Variants in KCNMB2 observed in about 807,000 individuals in gnomAD.
The protein encoded by KCNMB2 is calcium-activated potassium channel subunit beta-2.
In KCNMB2, 9 loss-of-function variants were observed where a neutral mutation model predicts 24.5. That is an observed-to-expected ratio of 0.37 (90% CI 0.22 to 0.64). The LOEUF (loss-of-function observed/expected upper bound fraction) is 0.64, where lower values mean the gene tolerates loss of function less well. Among genes scored for constraint, KCNMB2 ranks in the 30% least tolerant of loss-of-function variants. The probability of loss-of-function intolerance (pLI) is 0.63; values close to 1 mark genes in which losing one functional copy is unlikely to be tolerated. For missense variants in KCNMB2, 226 were observed against 284.3 expected, an observed-to-expected ratio of 0.79 and a Z score of 1.47; for synonymous variants, 109 against 104.4, an observed-to-expected ratio of 1.04 and a Z score of -0.27.
rs373099620 is a variant in KCNMB2 at position 178,572,641 on chromosome 3, C to G, written c.-68+35930C>G. 1.5e-4 allele frequency among the ~76,000 whole-genome samples: 23 copies of G among 152,264 alleles called. No homozygotes were observed. The South Asian group carries it at 4.6e-3, about 30-fold the overall frequency. On this transcript the variant is annotated intron_variant, in intron 1 of 4. Coordinates refer to ENST00000452583, the MANE Select transcript of KCNMB2 (RefSeq NM_181361.3). ...ACTTCTCCCCACTTTACTTCTGCAT[C>G]TTTAAAAATAAAACAGCAAGATAAA...
intron 1 of KCNMB2, among the ~76,000 whole-genome samples, chr3:178,624,672 C>T (rs1719045482): frequency 6.8e-6 from 1 of 146,362 alleles, no homozygotes; most frequent in African/African-American, 2.5e-5. Context: ...ATGGTTCACA[C>T]TTGCCAACGC....
chr3:178,566,232 C>G (rs758704316), intron 1 of KCNMB2, among the ~76,000 whole-genome samples: 3 of 152,122 alleles, frequency 2.0e-5, no homozygotes, highest in African/African-American at 4.8e-5. Context: ...AATATTAGTC[C>G]AACTTTTTCC....
At chr3:178,823,154 G>A (rs1714697581) in intron 2 of KCNMB2, among the ~76,000 whole-genome samples, 1 of 152,220 alleles carries the variant, frequency 6.6e-6, no homozygotes, top group South Asian at 2.1e-4. Flanking sequence ...AAAGGGTGAA[G>A]TTTTAAAAGC....
At chr3:178,664,020 AAG>A (rs747856703) in intron 1 of KCNMB2, among the ~76,000 whole-genome samples, 7 of 152,144 alleles carry the variant, frequency 4.6e-5, no homozygotes, top group Non-Finnish European at 1.0e-4. Context: ...AGGGAAAAGA[AAG>A]AGTCGGGGTG....
intron 1 of KCNMB2, among the ~76,000 whole-genome samples, chr3:178,569,971 A>G (rs1161326018): frequency 6.6e-6 from 1 of 152,158 alleles, no homozygotes; most frequent in African/African-American, 2.4e-5. Flanking sequence ...CGCAACTCCT[A>G]TAGTATTCAT....
intron 1 of KCNMB2, among the ~76,000 whole-genome samples, chr3:178,567,869 A>G (rs1397965367): frequency 1.3e-5 from 2 of 152,286 alleles, no homozygotes; most frequent in East Asian, 1.9e-4. Flanking sequence ...TTGCTTAACC[A>G]TGATTCTCAG....
chr3:178,774,657 C>T (rs2108424906), intron 1 of KCNMB2, among the ~76,000 whole-genome samples: 1 of 152,324 alleles, frequency 6.6e-6, no homozygotes, highest in Non-Finnish European at 1.5e-5. Flanking sequence ...CACCCCCGCT[C>T]TGGACTGTAA....
intron 1 of KCNMB2, among the ~76,000 whole-genome samples, chr3:178,663,164 T>A (rs1381903466): frequency 1.3e-5 from 2 of 152,052 alleles, no homozygotes; most frequent in East Asian, 3.9e-4. Flanking sequence ...CCAAATGGGT[T>A]CCCAGGAAGG....
chr3:178,705,674 G>C (rs1032304584), intron 1 of KCNMB2, among the ~76,000 whole-genome samples: 3 of 152,130 alleles, frequency 2.0e-5, no homozygotes, highest in African/African-American at 7.2e-5. Flanking sequence ...GCTTTTTATA[G>C]TTGTCTGTAA....
At chr3:178,713,239 C>T (rs1016961838) in intron 1 of KCNMB2, among the ~76,000 whole-genome samples, 1 of 152,194 alleles carries the variant, frequency 6.6e-6, no homozygotes, top group Non-Finnish European at 1.5e-5. Context: ...CCTGTGGTTA[C>T]AGATTCATGT....
At chr3:178,624,611 TTTA>T (rs1247193778) in intron 1 of KCNMB2, among the ~76,000 whole-genome samples, 60 of 150,676 alleles carry the variant, frequency 4.0e-4, no homozygotes, top group Middle Eastern at 3.5e-3. Context: ...TTTTTTTTTT[TTTA>T]AAAAAGGCAT....
chr3:178,584,370 G>A (rs1717342442), intron 1 of KCNMB2, among the ~76,000 whole-genome samples: 1 of 152,190 alleles, frequency 6.6e-6, no homozygotes, highest in Non-Finnish European at 1.5e-5. Context: ...ACAGGCAATA[G>A]TTGTTCTGAC....
At chr3:178,707,217 G>A (rs1722308502) in intron 1 of KCNMB2, among the ~76,000 whole-genome samples, 1 of 152,092 alleles carries the variant, frequency 6.6e-6, no homozygotes, top group Admixed American at 6.6e-5. Context: ...CTTACCAGCT[G>A]TGAAACATTG....
At chr3:178,707,551 T>C (rs1050802891) in intron 1 of KCNMB2, among the ~76,000 whole-genome samples, 2 of 152,158 alleles carry the variant, frequency 1.3e-5, no homozygotes, top group Non-Finnish European at 2.9e-5. Context: ...ACAGTAATTC[T>C]GCACTTGGCT....
chr3:178,539,922 A>G (rs897055685), intron 1 of KCNMB2, among the ~76,000 whole-genome samples: 2 of 152,114 alleles, frequency 1.3e-5, no homozygotes, highest in East Asian at 3.9e-4. Flanking sequence ...AATGAGTTCA[A>G]TCAAGTGTCA....
At chr3:178,617,395 A>G (rs1718745087) in intron 1 of KCNMB2, among the ~76,000 whole-genome samples, 1 of 151,472 alleles carries the variant, frequency 6.6e-6, no homozygotes, top group East Asian at 1.9e-4. Context: ...AATCTCTACT[A>G]AAAATACAAA....
chr3:178,568,835 AGATAGATAGATAGATAGAT>A (rs1223861059), intron 1 of KCNMB2, among the ~76,000 whole-genome samples: 20 of 28,746 alleles, frequency 7.0e-4, no homozygotes, highest in African/African-American at 1.7e-3. Context: ...GATAGATGAT[AGATAGATAGATAGATAGAT>A]GATAGATAGA....
At chr3:178,627,273 T>G (rs1280532482) in intron 1 of KCNMB2, among the ~76,000 whole-genome samples, 1 of 152,186 alleles carries the variant, frequency 6.6e-6, no homozygotes, top group Non-Finnish European at 1.5e-5. Context: ...AATGTACAAC[T>G]ACAAAGAAAA....
chr3:178,757,349 G>GATATATATAT (rs768743661), intron 1 of KCNMB2, among the ~76,000 whole-genome samples: 4 of 19,630 alleles, frequency 2.0e-4, no homozygotes, highest in Admixed American at 7.0e-4. Flanking sequence ...TATCCAAGAG[G>GATATATATAT]ATATATATAT....
Sources: allele counts gnomAD v4.1 joint callset (sites outside exome capture counted in the v4.1 genomes callset), GRCh38; gene constraint gnomAD v4.1.1; transcripts MANE v1.5; gene names NCBI Gene and HGNC (gene_info 2026-07-23, HGNC 2026-07-21).